The following TRAT1 variants were observed in gnomAD, a reference collection of about 807,000 sequenced individuals.
TRAT1 encodes the protein T-cell receptor-associated transmembrane adapter 1.
A neutral mutation model predicts 20.0 loss-of-function variants in TRAT1; 20 were observed. The observed-to-expected ratio is 1.00, with a 90% CI of 0.70 to 1.45. TRAT1 has a LOEUF of 1.45. Ranked by LOEUF, TRAT1 falls within the 40% of genes most tolerant of loss-of-function variation. The pLI is 0.00. For missense variants in TRAT1, 237 were observed against 224.1 expected, an observed-to-expected ratio of 1.06 and a Z score of -0.37; for synonymous variants, 77 against 74.2, an observed-to-expected ratio of 1.04 and a Z score of -0.20.
chr3:108,823,903 C>T (rs958394135), intron 1 of TRAT1, among the ~76,000 whole-genome samples: 6 of 151,798 alleles, frequency 4.0e-5, no homozygotes, highest in African/African-American at 1.5e-4. Context: ...GACAGAGTCT[C>T]TCTTTGTTGC....
intron 1 of TRAT1, among the ~76,000 whole-genome samples, chr3:108,828,948 G>A (rs1303264104): frequency 6.6e-6 from 1 of 152,138 alleles, no homozygotes; most frequent in Admixed American, 6.5e-5. Flanking sequence ...GTAGATCCAG[G>A]TAGTTTCACA....
chr3:108,823,780 T>C (rs1041008824), intron 1 of TRAT1, among the ~76,000 whole-genome samples: 39 of 152,210 alleles, frequency 2.6e-4, no homozygotes, highest in African/African-American at 8.9e-4. Context: ...AACTTCTGCA[T>C]AATCATTTTA....
Position 108,830,736 on chromosome 3 carries a change from C to T in TRAT1, c.74C>T (p.Ser25Leu). The T allele has an allele frequency of 1.2e-6, 2 of 1,613,896 alleles. No homozygotes were observed. The highest frequency in any genetic ancestry group is 1.7e-6 in the Non-Finnish European group (2 of 1,179,830). The stretch of plus-strand genomic sequence containing the variant: ...TTGTTGGGCTTGGCTTTGGTTATAT[C>T]ACTGATCTTCAATATTTCCCACTAT... ...LALLGLALVISLIFNISHYVE... is the reference protein window; with the variant it reads ...LALLGLALVILLIFNISHYVE... The change falls in exon 2 of 6, where the codon TCA (serine) becomes TTA (leucine). Residue 25 changes from serine to leucine, a missense_variant. Transcript: ENST00000295756.
intron 3 of TRAT1, among the ~76,000 whole-genome samples, chr3:108,839,492 A>C (rs116685576): frequency 0.017 from 2,578 of 152,100 alleles, 40 homozygotes; most frequent in African/African-American, 0.036. Context: ...CAAAACAAAA[A>C]AAAATTAGCT....
chr3:108,841,737 C>T (rs1019703470), intron 3 of TRAT1, among the ~76,000 whole-genome samples: 5 of 152,092 alleles, frequency 3.3e-5, no homozygotes, highest in South Asian at 4.1e-4. Context: ...TTTAAGGAAA[C>T]CATAGCACCT....
At position 108,841,308 on chromosome 3, in the gene TRAT1, G is replaced by A. The variant is rs561088658; in HGVS notation, c.152+2341G>A. Among the ~76,000 whole-genome samples the A allele has an allele frequency of 5.9e-5, 9 of 152,222 alleles. No individual in the cohort carries two copies. In the East Asian group the frequency reaches 7.7e-4, roughly 13 times the overall value. On this transcript the variant is annotated intron_variant, in intron 3 of 5. Coordinates refer to ENST00000295756, the MANE Select transcript of TRAT1 (RefSeq NM_016388.4). Reference sequence around the variant, plus strand: ...TGCAGATTTTTTTCTATAAAAAAGCGTTGATATTTTAATTCACAAGTTTAT... The same window carrying A: ...TGCAGATTTTTTTCTATAAAAAAGCATTGATATTTTAATTCACAAGTTTAT...
intron 1 of TRAT1, 139 bp downstream of exon 1, chr3:108,823,073 A>C (rs1945706939): frequency 2.9e-6 from 2 of 686,716 alleles, no homozygotes; most frequent in Non-Finnish European, 4.8e-6. Flanking sequence ...TAATTAAAAT[A>C]TATTTTGAAA....
intron 1 of TRAT1, among the ~76,000 whole-genome samples, chr3:108,823,418 A>T (rs1454254030): frequency 1.3e-5 from 2 of 152,164 alleles, no homozygotes; most frequent in Non-Finnish European, 2.9e-5. Flanking sequence ...TGAGGGTTAG[A>T]TCCATATTCA....
chr3:108,825,399 ATTTAG>A (rs1945728366), intron 1 of TRAT1, among the ~76,000 whole-genome samples: 1 of 152,062 alleles, frequency 6.6e-6, no homozygotes, highest in African/African-American at 2.4e-5. Context: ...ATGATTCACA[ATTTAG>A]TTTACTCATC....
intron 2 of TRAT1, among the ~76,000 whole-genome samples, chr3:108,831,572 C>T (rs1170836131): frequency 7.0e-6 from 1 of 142,136 alleles, no homozygotes; most frequent in African/African-American, 2.7e-5. Flanking sequence ...CAGGATCTTG[C>T]TCTGTCGCCC....
At chr3:108,845,417 C>T (rs1410644703) in intron 3 of TRAT1, among the ~76,000 whole-genome samples, 1 of 152,166 alleles carries the variant, frequency 6.6e-6, no homozygotes, top group African/African-American at 2.4e-5. Context: ...AAAAATTCTT[C>T]AGTTTTTGCT....
At chr3:108,836,249 C>G (rs1396452591) in intron 2 of TRAT1, among the ~76,000 whole-genome samples, 1 of 152,108 alleles carries the variant, frequency 6.6e-6, no homozygotes. Context: ...CACTAGTATT[C>G]TTTCTAGGCA....
At chr3:108,847,233 C>T (rs928978767) in intron 4 of TRAT1, 104 bp downstream of exon 4, 1 of 628,302 alleles carries the variant, frequency 1.6e-6, no homozygotes, top group Non-Finnish European at 2.7e-6. Flanking sequence ...TTAGCTATCC[C>T]AGTGATAACC....
intron 3 of TRAT1, among the ~76,000 whole-genome samples, chr3:108,844,884 T>C (rs1224160406): frequency 7.0e-6 from 1 of 143,310 alleles, no homozygotes; most frequent in Non-Finnish European, 1.5e-5. Flanking sequence ...TACGTGTATA[T>C]ATATATGAAA....
At chr3:108,827,293 T>C (rs1945749526) in intron 1 of TRAT1, among the ~76,000 whole-genome samples, 1 of 152,122 alleles carries the variant, frequency 6.6e-6, no homozygotes, top group Non-Finnish European at 1.5e-5. Flanking sequence ...AGAGGCACTG[T>C]CTGTACTAAG....
chr3:108,853,630 A>G lies in TRAT1; in HGVS notation c.314A>G (p.Glu105Gly). 1 of 1,613,078 alleles carries G rather than the reference A, an allele frequency of 6.2e-7. No individual in the cohort carries two copies. The highest frequency in any genetic ancestry group is 8.5e-7 in the Non-Finnish European group (1 of 1,179,286). The change falls in exon 6 of 6, where the codon GAA becomes GGA. Residue 105 changes from glutamate (E) to glycine (G), a missense_variant. Glu to Gly is a moderately conservative substitution (Grantham distance 98). Coordinates refer to ENST00000295756, the MANE Select transcript of TRAT1 (RefSeq NM_016388.4). ...EATPSAQATN[E>G]TQMCYASLDH... ...ATCCCTTTCTTTTAGGCAACCAATG[A>G]AACACAGATGTGCTACGCCTCACTT... is the stretch of plus-strand genomic sequence containing the variant.
At chr3:108,834,575 A>G (rs1403050340) in intron 2 of TRAT1, among the ~76,000 whole-genome samples, 2 of 152,212 alleles carry the variant, frequency 1.3e-5, no homozygotes, top group Non-Finnish European at 2.9e-5. Flanking sequence ...ATAATAAAAG[A>G]GATTCTATTG....
At chr3:108,826,376 A>T (rs1412502475) in intron 1 of TRAT1, among the ~76,000 whole-genome samples, 1 of 152,150 alleles carries the variant, frequency 6.6e-6, no homozygotes, top group Non-Finnish European at 1.5e-5. Context: ...TGTTCATAAT[A>T]GACACATAAG....
At chr3:108,829,280 C>T (rs182407753) in intron 1 of TRAT1, among the ~76,000 whole-genome samples, 1 of 152,012 alleles carries the variant, frequency 6.6e-6, no homozygotes, top group African/African-American at 2.4e-5. Flanking sequence ...CAGTCATGTG[C>T]TATGTAACAA....
Sources: gnomAD v4.1 joint callset for allele counts (sites outside exome capture counted in the v4.1 genomes callset) on GRCh38, gnomAD v4.1.1 for gene constraint, MANE v1.5 for transcripts, NCBI Gene and HGNC (gene_info 2026-07-23, HGNC 2026-07-21) for gene names.